PPIP5K2: variants seen among roughly 807,000 people sequenced by gnomAD.
PPIP5K2 encodes inositol hexakisphosphate and diphosphoinositol-pentakisphosphate kinase 2.
Under a neutral mutation model 154.6 loss-of-function variants are expected in PPIP5K2, and 105 were observed. The observed-to-expected ratio is 0.68, with a 90% CI of 0.58 to 0.80. PPIP5K2 has a LOEUF of 0.80. Ranked by LOEUF, PPIP5K2 falls within the 30% of genes least tolerant of loss-of-function variation. The probability of loss-of-function intolerance (pLI) is 0.00; values close to 1 mark genes in which losing one functional copy is unlikely to be tolerated. For missense variants in PPIP5K2, 992 were observed against 1,504.6 expected (o/e 0.66, Z 5.64); for synonymous variants, 480 against 490.3 (o/e 0.98, Z 0.28).
At chr5:103,121,199 A>G (rs1788652626) in intron 1 of PPIP5K2, among the ~76,000 whole-genome samples, 1 of 152,178 alleles carries the variant, frequency 6.6e-6, no homozygotes, top group South Asian at 2.1e-4. Flanking sequence ...CTACACTGGG[A>G]CAGGATTTTG....
chr5:103,170,196 C>G (rs1797765152), intron 19 of PPIP5K2, among the ~76,000 whole-genome samples: 1 of 151,554 alleles, frequency 6.6e-6, no homozygotes, highest in Non-Finnish European at 1.5e-5. Flanking sequence ...TAGTTGAAGA[C>G]ATTTCTCACC....
chr5:103,201,416 A>C, intron 30 of PPIP5K2, 106 bp from the exon 31 acceptor site: 1 of 656,162 alleles, frequency 1.5e-6, no homozygotes, highest in Non-Finnish European at 2.5e-6. Context: ...CATTTACATC[A>C]CAATTATAAC....
At chr5:103,166,309 A>G (rs1448771072) in intron 17 of PPIP5K2, among the ~76,000 whole-genome samples, 1 of 152,056 alleles carries the variant, frequency 6.6e-6, no homozygotes, top group Non-Finnish European at 1.5e-5. Flanking sequence ...TCTTCACTAC[A>G]GAGTCCTCCA....
Position 103,207,401 on chromosome 5 carries a change from A to G in PPIP5K2, c.*5767A>G, listed in dbSNP as rs1323217074. Reference sequence around the variant, plus strand: ...GCACATGATTCTGTGGAAAAGAAGGATATATGACCAAAATCATCATTTTGG... The same window carrying G: ...GCACATGATTCTGTGGAAAAGAAGGGTATATGACCAAAATCATCATTTTGG... On this transcript the variant is annotated 3_prime_UTR_variant, in exon 31 of 31. Transcript: ENST00000358359. 6.6e-6 allele frequency: 1 copy of G among 152,158 alleles called. No individual in the cohort carries two copies. The highest frequency in any genetic ancestry group is 1.5e-5 in the Non-Finnish European group (1 of 68,032). The allele number at this position is 152,158 out of a possible 1,614,324, so 9.4% of individuals were successfully genotyped here. A position where few individuals can be genotyped will look rare whatever the true frequency, so the allele number is the denominator to read the frequency against.
Position 103,141,386 on chromosome 5 carries a change from G to A in PPIP5K2, c.487+2917G>A, listed in dbSNP as rs559649259. 1.2e-3 allele frequency among the ~76,000 whole-genome samples: 175 copies of A among 152,032 alleles called. 1 individual carries two copies. The highest frequency in any genetic ancestry group is 3.7e-3 in the African/African-American group (155 of 41,450). ...TGAGTGTTACAGCTCTTAAGGTAGC[G>A]CGTCTGGAGTTGTTCGTTCCTCCCG... On this transcript the variant is annotated intron_variant, in intron 5 of 30. Transcript: ENST00000358359.
Position 103,152,670 on chromosome 5 carries a change from G to C in PPIP5K2, c.1051G>C (p.Ala351Pro), listed in dbSNP as rs782788409. ...ILGNIVMREL[A>P]PQFHIPWSIP... ...AAGAAATATTGTAATGCGAGAACTT[G>C]CTCCACAATTTCATATTCCATGGTC... The change falls in exon 10 of 31, where the codon GCT becomes CCT. Residue 351 changes from alanine (A) to proline (P), a missense_variant. Physicochemically the swap from Ala to Pro is conservative, Grantham distance 27 (BLOSUM62 -1). Coordinates refer to ENST00000358359, the MANE Select transcript of PPIP5K2 (RefSeq NM_001276277.3). The C allele has an allele frequency of 6.3e-7, 1 of 1,593,422 alleles. No homozygotes were observed. The highest frequency in any genetic ancestry group is 8.6e-7 in the Non-Finnish European group (1 of 1,162,356).
chr5:103,151,219 T>G (rs782160808), intron 8 of PPIP5K2, 34 bp from the exon 9 acceptor site: 1 of 1,534,838 alleles, frequency 6.5e-7, no homozygotes, highest in South Asian at 1.2e-5. Flanking sequence ...ATAATTTAAA[T>G]AAAACCTTAA....
At chr5:103,169,484 A>G (rs880000680) in intron 19 of PPIP5K2, among the ~76,000 whole-genome samples, 1 of 151,822 alleles carries the variant, frequency 6.6e-6, no homozygotes, top group African/African-American at 2.4e-5. Context: ...AAACCTATAG[A>G]TTTTGAAAAA....
At chr5:103,184,174 T>A (rs1799997265) in intron 25 of PPIP5K2, 1 of 152,376 alleles carries the variant, frequency 6.6e-6, no homozygotes, top group Non-Finnish European at 1.5e-5. Flanking sequence ...AATTTCCTTT[T>A]GGAAATATAA....
At chr5:103,176,182 G>C (rs1554220896) in intron 21 of PPIP5K2, among the ~76,000 whole-genome samples, 1 of 151,824 alleles carries the variant, frequency 6.6e-6, no homozygotes, top group Non-Finnish European at 1.5e-5. Flanking sequence ...TTACGTTCTG[G>C]AAGTTACTAC....
intron 13 of PPIP5K2, among the ~76,000 whole-genome samples, chr5:103,155,220 C>T (rs1286755161): frequency 1.3e-5 from 2 of 151,818 alleles, no homozygotes; most frequent in African/African-American, 4.8e-5. Flanking sequence ...CTAACTTGAC[C>T]ATAGATTCAT....
At chr5:103,182,152 G>C (rs988066030) in intron 24 of PPIP5K2, among the ~76,000 whole-genome samples, 4 of 152,020 alleles carry the variant, frequency 2.6e-5, no homozygotes, top group Non-Finnish European at 5.9e-5. Context: ...ATGTGTTATT[G>C]AATAAGCAAT....
chr5:103,170,573 A>G (rs17155105), intron 19 of PPIP5K2, among the ~76,000 whole-genome samples: 2,543 of 151,542 alleles, frequency 0.017, 36 homozygotes, highest in African/African-American at 0.035. Flanking sequence ...TCCTGAGATT[A>G]TTTTATAAAT....
At chr5:103,179,954 A>C in intron 23 of PPIP5K2, 67 bp from the exon 24 acceptor site, 1 of 1,331,304 alleles carries the variant, frequency 7.5e-7, no homozygotes, top group Non-Finnish European at 1.0e-6. Flanking sequence ...GTGGTAGTTG[A>C]ATCTGTTCAT....
intron 17 of PPIP5K2, among the ~76,000 whole-genome samples, chr5:103,166,829 A>G (rs1554218049): frequency 6.6e-6 from 1 of 151,994 alleles, no homozygotes; most frequent in Non-Finnish European, 1.5e-5. Flanking sequence ...TTAAGGGGAA[A>G]TAGATCATCT....
At chr5:103,136,871 T>C in intron 4 of PPIP5K2, 49 bp downstream of exon 4, 1 of 1,335,958 alleles carries the variant, frequency 7.5e-7, no homozygotes. Flanking sequence ...TAACATTAAT[T>C]TAGTACCTAC....
chr5:103,150,632 G>A (rs1161053628), intron 8 of PPIP5K2, among the ~76,000 whole-genome samples: 2 of 152,034 alleles, frequency 1.3e-5, no homozygotes, highest in African/African-American at 4.8e-5. Context: ...AATTAGCCTT[G>A]TGGTGGCTCA....
intron 24 of PPIP5K2, among the ~76,000 whole-genome samples, chr5:103,181,597 A>G (rs1799564206): frequency 6.6e-6 from 1 of 151,938 alleles, no homozygotes; most frequent in East Asian, 1.9e-4. Flanking sequence ...AAATAAATAC[A>G]CACACATATA....
chr5:103,188,905 G>A (rs1800802696), intron 28 of PPIP5K2: 1 of 341,964 alleles, frequency 2.9e-6, no homozygotes, highest in African/African-American at 2.1e-5. Context: ...TGCACATAAG[G>A]TGCATTCTTT....
Sources: gnomAD v4.1 joint callset for allele counts (sites outside exome capture counted in the v4.1 genomes callset) on GRCh38, gnomAD v4.1.1 for gene constraint, MANE v1.5 for transcripts, NCBI Gene and HGNC (gene_info 2026-07-23, HGNC 2026-07-21) for gene names.